The following SPTBN1 variants were observed in gnomAD, a reference collection of about 807,000 sequenced individuals.
The protein encoded by SPTBN1 is spectrin beta chain, non-erythrocytic 1.
Under a neutral mutation model 266.4 loss-of-function variants are expected in SPTBN1, and 32 were observed. That is an observed-to-expected ratio of 0.12 (90% CI 0.09 to 0.16). The LOEUF is 0.16. Ranked by LOEUF, SPTBN1 falls within the 10% of genes least tolerant of loss-of-function variation. The pLI, the probability that SPTBN1 is intolerant of heterozygous loss-of-function variation, is 1.00. For synonymous variants in SPTBN1, 1,336 were observed against 1,162.2 expected (o/e 1.15, Z -3.04); for missense variants, 2,296 against 3,067.1 (o/e 0.75, Z 5.94).
intron 1 of SPTBN1, among the ~76,000 whole-genome samples, chr2:54,505,980 T>C (rs1282015957): frequency 6.6e-6 from 1 of 151,786 alleles, no homozygotes; most frequent in Non-Finnish European, 1.5e-5. Context: ...AAAAATTAGC[T>C]GGGCGAGGTG....
intron 12 of SPTBN1, among the ~76,000 whole-genome samples, chr2:54,627,772 C>A (rs1389395542): frequency 6.9e-6 from 1 of 144,654 alleles, no homozygotes; most frequent in Non-Finnish European, 1.5e-5. Context: ...CGCCCACGCT[C>A]CCCACTGCCC....
At chr2:54,469,034 T>TAAG (rs1693782639) in intron 1 of SPTBN1, among the ~76,000 whole-genome samples, 1 of 152,226 alleles carries the variant, frequency 6.6e-6, no homozygotes, top group Non-Finnish European at 1.5e-5. Context: ...AGCTGGATTC[T>TAAG]TTACAATTCT....
At chr2:54,459,204 C>G (rs138683939) in intron 1 of SPTBN1, among the ~76,000 whole-genome samples, 1 of 152,316 alleles carries the variant, frequency 6.6e-6, no homozygotes, top group Non-Finnish European at 1.5e-5. Context: ...GTGACCAAAA[C>G]CTTCATCTGA....
chr2:54,510,974 G>A, intron 1 of SPTBN1, among the ~76,000 whole-genome samples: 1 of 152,244 alleles, frequency 6.6e-6, no homozygotes, highest in East Asian at 1.9e-4. Context: ...GCTTTGGACA[G>A]GCTGTGCATT....
At chr2:54,522,464 C>G (rs1482786631) in intron 1 of SPTBN1, among the ~76,000 whole-genome samples, 1 of 151,696 alleles carries the variant, frequency 6.6e-6, no homozygotes, top group Non-Finnish European at 1.5e-5. Context: ...AACCCCATTT[C>G]TACTAAAAAT....
At chr2:54,655,466 C>T (rs1316581558) in intron 28 of SPTBN1, among the ~76,000 whole-genome samples, 1 of 152,220 alleles carries the variant, frequency 6.6e-6, no homozygotes, top group African/African-American at 2.4e-5. Flanking sequence ...AGTACTCTTT[C>T]TAGGTGACGC....
rs979027779 is a variant in SPTBN1 at position 54,459,044 on chromosome 2, T to C, written c.-48+2526T>C. Among the ~76,000 whole-genome samples the C allele has an allele frequency of 2.0e-5, 3 of 152,232 alleles. No individual in the cohort carries two copies. The East Asian group carries it at 5.8e-4, about 29-fold the overall frequency. On this transcript the variant is annotated intron_variant, in intron 1 of 35. Coordinates refer to ENST00000356805, the MANE Select transcript of SPTBN1 (RefSeq NM_003128.3). ...TGTTGCGTACAGATTTTTATGAATG[T>C]TGTTCCCATGGATCATCCAAACGTT...
intron 29 of SPTBN1, 46 bp from the exon 30 acceptor site, chr2:54,657,804 C>G (rs201551099): frequency 1.9e-6 from 3 of 1,611,838 alleles, no homozygotes; most frequent in African/African-American, 2.7e-5. Context: ...TATGACTGCC[C>G]GGCACCTCCT....
At chr2:54,580,600 CAAA>C (rs5831313) in intron 2 of SPTBN1, among the ~76,000 whole-genome samples, 4 of 137,968 alleles carry the variant, frequency 2.9e-5, no homozygotes, top group African/African-American at 7.9e-5. Context: ...ACACTTTAAC[CAAA>C]AAAAAAAAAA....
intron 33 of SPTBN1, among the ~76,000 whole-genome samples, chr2:54,665,083 G>T (rs1036946778): frequency 2.6e-5 from 4 of 152,116 alleles, no homozygotes; most frequent in South Asian, 2.1e-4. Flanking sequence ...TATATTCATT[G>T]TCTCTCAACA....
rs1175493745 is a variant in SPTBN1, at chr2:54,668,612, G to A, written c.*43G>A. ...CCTGCCCTTCTCTTACCTTTTCAGT[G>A]AAATTCCAGCATGCAAGCTCAGAAC... On this transcript the variant is annotated 3_prime_UTR_variant, in exon 36 of 36. Transcript: ENST00000356805. The A allele has an allele frequency of 4.5e-6, 7 of 1,538,740 alleles. No homozygotes were observed. Among genetic ancestry groups the A allele is most frequent in the Non-Finnish European group, 6.2e-6 (7 of 1,134,642 alleles).
intron 3 of SPTBN1, among the ~76,000 whole-genome samples, chr2:54,607,484 G>A (rs1033298577): frequency 3.3e-5 from 5 of 152,084 alleles, no homozygotes; most frequent in Admixed American, 2.6e-4. Context: ...TTAGCCAGGC[G>A]TGGTGACTGG....
chr2:54,658,322 C>T (rs1680816253), intron 30 of SPTBN1, among the ~76,000 whole-genome samples: 1 of 152,044 alleles, frequency 6.6e-6, no homozygotes, highest in Admixed American at 6.6e-5. Context: ...TTGCTTTTTT[C>T]TTCGAATCTT....
chr2:54,527,254 C>T (rs1175705896), intron 2 of SPTBN1: 1 of 152,116 alleles, frequency 6.6e-6, no homozygotes, highest in Non-Finnish European at 1.5e-5. Flanking sequence ...AGTATCAAAA[C>T]CGAGTTTTTT....
chr2:54,633,416 T>C (rs1678892594), intron 17 of SPTBN1, among the ~76,000 whole-genome samples: 2 of 143,146 alleles, frequency 1.4e-5, no homozygotes, highest in Non-Finnish European at 3.1e-5. Flanking sequence ...TACGTGTGTG[T>C]GTGTGTGTGC....
At chr2:54,563,220 C>G (rs1318098450) in intron 2 of SPTBN1, among the ~76,000 whole-genome samples, 1 of 152,186 alleles carries the variant, frequency 6.6e-6, no homozygotes, top group Non-Finnish European at 1.5e-5. Context: ...TCCTGCCAAC[C>G]TGCCCCTGGA....
In SPTBN1 at chr2:54,628,980, A is replaced by T. The variant is rs770175089; in HGVS notation, c.1846A>T (p.Met616Leu). The T allele has an allele frequency of 6.2e-7, 1 of 1,613,560 alleles. No homozygotes were observed. The highest frequency in any genetic ancestry group is 8.5e-7 in the Non-Finnish European group (1 of 1,179,836). Residue 616 changes from methionine to leucine, a missense_variant, in exon 14 of 36, where the codon ATG becomes TTG. Physicochemically the swap from Met to Leu is conservative, Grantham distance 15. Transcript: ENST00000356805. The surrounding 1 kb of genome is among the most constrained non-coding windows in gnomAD (Gnocchi z 4.3). ...GGTGATCCGAGACCGCGTGGCCCAC[A>T]TGGAGTTCTGTTATCAAGAGCTTTG... ...PQVIRDRVAH[M>L]EFCYQELCQL...
chr2:54,611,387 G>A (rs1049352619), intron 3 of SPTBN1, among the ~76,000 whole-genome samples: 7 of 152,142 alleles, frequency 4.6e-5, no homozygotes, highest in African/African-American at 1.7e-4. Context: ...ATGTGTGTGT[G>A]CTTTTACAGG....
chr2:54,503,947 CAGGTGT>C (rs1020208013), intron 1 of SPTBN1, among the ~76,000 whole-genome samples: 1 of 152,170 alleles, frequency 6.6e-6, no homozygotes, highest in African/African-American at 2.4e-5. Context: ...CTGCAGCCTT[CAGGTGT>C]AGTATTTTGA....
Sources: allele counts gnomAD v4.1 joint callset (sites outside exome capture counted in the v4.1 genomes callset), GRCh38; gene constraint gnomAD v4.1.1; non-coding constraint Gnocchi (gnomAD v3.1); transcripts MANE v1.5; gene names NCBI Gene and HGNC (gene_info 2026-07-23, HGNC 2026-07-21).